Variants in RNF216 observed in about 807,000 individuals in gnomAD.
The protein encoded by RNF216 is E3 ubiquitin-protein ligase RNF216.
Under a neutral mutation model 110.8 loss-of-function variants are expected in RNF216, and 72 were observed. That is an observed-to-expected ratio of 0.65 (90% CI 0.54 to 0.79). The LOEUF is 0.79. Among genes scored for constraint, RNF216 ranks in the 30% least tolerant of loss-of-function variants. The pLI, the probability that RNF216 is intolerant of heterozygous loss-of-function variation, is 0.00. For synonymous variants in RNF216, 495 were observed against 407.5 expected (o/e 1.21, Z -2.59); for missense variants, 1,342 against 1,141.2 (o/e 1.18, Z -2.54).
At chr7:5,660,711 G>A (rs895854071) in intron 13 of RNF216, among the ~76,000 whole-genome samples, 6 of 152,022 alleles carry the variant, frequency 3.9e-5, no homozygotes, top group African/African-American at 1.4e-4. Context: ...CCAAGTAGCT[G>A]GGACCACAGG....
chr7:5,720,626 C>T (rs1248706044), intron 9 of RNF216, among the ~76,000 whole-genome samples: 1 of 152,132 alleles, frequency 6.6e-6, no homozygotes, highest in African/African-American at 2.4e-5. Flanking sequence ...ACCTCGCAGA[C>T]CCCCAAGAGA....
At chr7:5,710,706 G>A (rs1166674805) in intron 13 of RNF216, among the ~76,000 whole-genome samples, 4 of 152,068 alleles carry the variant, frequency 2.6e-5, no homozygotes, top group African/African-American at 4.8e-5. Flanking sequence ...TGCCACTCCC[G>A]GGGCCTAGAA....
chr7:5,631,523 G>GA (rs1217985883), intron 15 of RNF216, among the ~76,000 whole-genome samples: 3 of 152,198 alleles, frequency 2.0e-5, no homozygotes, highest in African/African-American at 7.2e-5. Flanking sequence ...CTCAAAGGCA[G>GA]AAGCGAATGC....
intron 1 of RNF216, among the ~76,000 whole-genome samples, chr7:5,761,785 CA>C (rs1199654099): frequency 0.02 from 1,781 of 87,102 alleles, 15 homozygotes; most frequent in Non-Finnish European, 0.03. Context: ...GACTCCGTCA[CA>C]AAAAAAAAAA....
intron 1 of RNF216, among the ~76,000 whole-genome samples, chr7:5,774,422 G>C (rs1214827546): frequency 3.2e-4 from 48 of 152,156 alleles, no homozygotes. Context: ...ATAGGCGGCA[G>C]AGGGAGAACC....
At chr7:5,673,108 G>A (rs1417719620) in intron 13 of RNF216, among the ~76,000 whole-genome samples, 2 of 152,132 alleles carry the variant, frequency 1.3e-5, no homozygotes, top group Non-Finnish European at 2.9e-5. Flanking sequence ...ACCACTCTCT[G>A]GACCTCCGGA....
intron 8 of RNF216, among the ~76,000 whole-genome samples, chr7:5,725,120 T>A (rs1222191610): frequency 6.6e-6 from 1 of 152,200 alleles, no homozygotes; most frequent in Admixed American, 6.5e-5. Flanking sequence ...ACAGTTTATC[T>A]TAAGTAGGAA....
chr7:5,691,914 G>T (rs574153183), intron 13 of RNF216, among the ~76,000 whole-genome samples: 82 of 152,354 alleles, frequency 5.4e-4, no homozygotes, highest in Non-Finnish European at 1.0e-3. Context: ...GACAAGTAAT[G>T]AAAGACAGAC....
At chr7:5,730,653 A>G (rs926492404) in intron 6 of RNF216, 62 bp downstream of exon 6, 4 of 1,599,190 alleles carry the variant, frequency 2.5e-6, no homozygotes, top group Non-Finnish European at 3.4e-6. Flanking sequence ...AACAACAACA[A>G]CAACAACAAC....
chr7:5,622,894 A>T lies in RNF216; in HGVS notation c.2738T>A (p.Met913Lys). ...IHMPLEHNLPMHFGPQPRHRF is the reference protein window; with the variant it reads ...IHMPLEHNLPKHFGPQPRHRF ...ATGCCGCGGCTGGGGGCCAAAGTGC[A>T]TGGGCAGGTTGTGCTCCAGGGGCAT... The change falls in exon 17 of 17, where the codon ATG (methionine) becomes AAG (lysine). Residue 913 changes from methionine to lysine, a missense_variant. Met to Lys is a moderately conservative substitution (Grantham distance 95). Coordinates refer to ENST00000389902, the MANE Select transcript of RNF216 (RefSeq NM_207111.4). The T allele has an allele frequency of 1.2e-6, 2 of 1,610,624 alleles. No individual in the cohort carries two copies. The highest frequency in any genetic ancestry group is 1.7e-6 in the Non-Finnish European group (2 of 1,177,732).
chr7:5,623,852 C>G (rs1197957744), intron 16 of RNF216, among the ~76,000 whole-genome samples: 1 of 152,162 alleles, frequency 6.6e-6, no homozygotes, highest in African/African-American at 2.4e-5. Context: ...CAAGGAGATG[C>G]CAAAACTATA....
At chr7:5,710,685 G>A (rs139208840) in intron 13 of RNF216, among the ~76,000 whole-genome samples, 6 of 152,230 alleles carry the variant, frequency 3.9e-5, no homozygotes, top group African/African-American at 9.6e-5. Flanking sequence ...ACCAGTAAGC[G>A]TCCACATTGC....
intron 13 of RNF216, among the ~76,000 whole-genome samples, chr7:5,675,189 A>G (rs1790200772): frequency 2.0e-5 from 3 of 152,208 alleles, no homozygotes; most frequent in African/African-American, 7.2e-5. Context: ...AACTACTAAC[A>G]GTCTGTTGTA....
chr7:5,644,806 G>A (rs1787952947), intron 14 of RNF216, among the ~76,000 whole-genome samples: 1 of 150,232 alleles, frequency 6.7e-6, no homozygotes, highest in East Asian at 2.0e-4. Context: ...GTGCCTGGCT[G>A]TTTGCCTATT....
At chr7:5,627,198 C>T (rs533481842) in intron 15 of RNF216, among the ~76,000 whole-genome samples, 1 of 152,130 alleles carries the variant, frequency 6.6e-6, no homozygotes, top group Non-Finnish European at 1.5e-5. Flanking sequence ...GGCTAGTTGG[C>T]GGTAAACTGG....
intron 2 of RNF216, chr7:5,760,648 G>A: frequency 9.3e-6 from 3 of 324,030 alleles, no homozygotes; most frequent in Non-Finnish European, 1.2e-5. Context: ...GACTGGTTCA[G>A]CAACACCTGC....
chr7:5,650,446 A>T (rs972671838), intron 14 of RNF216, among the ~76,000 whole-genome samples: 2 of 152,202 alleles, frequency 1.3e-5, no homozygotes, highest in African/African-American at 4.8e-5. Flanking sequence ...CCTGCTACTG[A>T]GTCCTGTAGT....
At position 5,721,681 on chromosome 7, in the gene RNF216, C is replaced by G. The variant is rs73341614; in HGVS notation, c.1505-509G>C. 8.1e-3 allele frequency among the ~76,000 whole-genome samples: 1,228 copies of G among 152,316 alleles called. 20 individuals carry two copies. The highest frequency in any genetic ancestry group is 0.028 in the African/African-American group (1,152 of 41,564). ...GCAATGCATGTGAGTTCCAGTCTCT[C>G]CATGTCCTTACCAACACCTATCATC... On this transcript the variant is annotated intron_variant, in intron 8 of 16. Transcript: ENST00000389902.
In RNF216 at chr7:5,729,466, T is replaced by C. The variant is rs1180038052; in HGVS notation, c.1355A>G (p.His452Arg). 10 of 1,614,042 alleles carry C rather than the reference T, an allele frequency of 6.2e-6. No individual in the cohort carries two copies. Among genetic ancestry groups the C allele is most frequent in the Non-Finnish European group, 8.5e-6 (10 of 1,180,038 alleles). ...LSSQDIKWALHELKGHYAITR... is the reference protein window; with the variant it reads ...LSSQDIKWALRELKGHYAITR... ...GATTGCATAGTGTCCTTTGAGCTCG[T>C]GCAGGGCCCACTTGATGTCCTGACT... The change falls in exon 7 of 17, where the codon CAC becomes CGC. Residue 452 changes from histidine (H) to arginine (R), a missense_variant. Transcript: ENST00000389902.
Sources: allele counts gnomAD v4.1 joint callset (sites outside exome capture counted in the v4.1 genomes callset), GRCh38; gene constraint gnomAD v4.1.1; transcripts MANE v1.5; gene names NCBI Gene and HGNC (gene_info 2026-07-23, HGNC 2026-07-21).